EPHA6: variants seen among roughly 807,000 people sequenced by gnomAD.
EPHA6 encodes ephrin type-A receptor 6.
EPHA6 carries 50 observed loss-of-function variants against 112.0 expected under a neutral mutation model. That is an observed-to-expected ratio of 0.45 (90% CI 0.36 to 0.56). EPHA6 has a LOEUF of 0.56. EPHA6 is among the 20% of genes least tolerant of loss of function. EPHA6 has a pLI of 0.00. For synonymous variants in EPHA6, 529 were observed against 490.7 expected, an observed-to-expected ratio of 1.08 and a Z score of -1.03; for missense variants, 1,280 against 1,417.4, an observed-to-expected ratio of 0.90 and a Z score of 1.56.
At chr3:97,682,872 A>C (rs542876203) in intron 14 of EPHA6, among the ~76,000 whole-genome samples, 1 of 152,328 alleles carries the variant, frequency 6.6e-6, no homozygotes, top group Admixed American at 6.5e-5. Context: ...CTCCCGTATT[A>C]GACTACAAGA....
At chr3:97,392,078 A>C (rs1012023930) in intron 5 of EPHA6, among the ~76,000 whole-genome samples, 2 of 151,866 alleles carry the variant, frequency 1.3e-5, no homozygotes, top group South Asian at 4.1e-4. Context: ...TCTTCACGTA[A>C]ATTGAAGAAT....
At chr3:97,663,335 A>G (rs1407432859) in intron 14 of EPHA6, among the ~76,000 whole-genome samples, 2 of 150,576 alleles carry the variant, frequency 1.3e-5, no homozygotes, top group Non-Finnish European at 3.0e-5. Flanking sequence ...CTTTTTTTAT[A>G]TATACTTTTT....
chr3:97,224,005 T>A (rs1434400836), intron 3 of EPHA6, among the ~76,000 whole-genome samples: 1 of 151,868 alleles, frequency 6.6e-6, no homozygotes, highest in Non-Finnish European at 1.5e-5. Context: ...TCTGCTAAAG[T>A]ACATACAGGA....
rs2036150455 is a variant in EPHA6 at position 97,760,982 on chromosome 3, T to C, written c.*12281T>C. On this transcript the variant is annotated 3_prime_UTR_variant, in exon 18 of 18. Coordinates refer to ENST00000389672, the MANE Select transcript of EPHA6 (RefSeq NM_001080448.3). ...CACTGTTTTATGTTTTTCTCTTTAG[T>C]ATTCTGTCACCATTTAAAGCTTCAA... is the stretch of plus-strand genomic sequence containing the variant. 4.9e-6 allele frequency: 1 copy of C among 204,868 alleles called. No individual in the cohort carries two copies. Among genetic ancestry groups the C allele is most frequent in the African/African-American group, 2.3e-5 (1 of 43,934 alleles). 12.7% of individuals were successfully genotyped at this position (204,868 alleles called of 1,614,324 possible).
chr3:97,007,665 T>G (rs763309090), intron 3 of EPHA6, among the ~76,000 whole-genome samples: 2 of 152,184 alleles, frequency 1.3e-5, no homozygotes, highest in Non-Finnish European at 2.9e-5. Flanking sequence ...TTGGTTATTT[T>G]GCATACTAGT....
intron 5 of EPHA6, among the ~76,000 whole-genome samples, chr3:97,360,321 C>T (rs1316288856): frequency 6.6e-6 from 1 of 152,204 alleles, no homozygotes; most frequent in Non-Finnish European, 1.5e-5. Flanking sequence ...TTACATCAGA[C>T]AGACTCTGCC....
At chr3:97,177,118 A>C (rs1471014479) in intron 3 of EPHA6, among the ~76,000 whole-genome samples, 2 of 151,826 alleles carry the variant, frequency 1.3e-5, no homozygotes, top group African/African-American at 4.8e-5. Context: ...TTTTCTTATT[A>C]ATTTCTTCAT....
At chr3:97,136,705 A>C (rs947238646) in intron 3 of EPHA6, among the ~76,000 whole-genome samples, 3 of 152,312 alleles carry the variant, frequency 2.0e-5, no homozygotes, top group African/African-American at 7.2e-5. Flanking sequence ...AAAACTTCAT[A>C]AAGTTTGAAT....
intron 3 of EPHA6, among the ~76,000 whole-genome samples, chr3:97,038,389 A>G (rs2045189372): frequency 6.6e-6 from 1 of 152,018 alleles, no homozygotes; most frequent in Non-Finnish European, 1.5e-5. Context: ...ACTTCAAATT[A>G]TTAGTGAAAA....
intron 14 of EPHA6, among the ~76,000 whole-genome samples, chr3:97,641,635 G>C (rs992646972): frequency 5.3e-5 from 8 of 152,218 alleles, no homozygotes; most frequent in African/African-American, 1.9e-4. Context: ...CTTGGGAAGC[G>C]CAAGGGGTCG....
At chr3:97,531,529 C>T (rs533963827) in intron 10 of EPHA6, among the ~76,000 whole-genome samples, 46 of 152,096 alleles carry the variant, frequency 3.0e-4, no homozygotes, top group African/African-American at 1.1e-3. Flanking sequence ...GTTTCATCCC[C>T]TCCAGGAAGT....
At chr3:97,109,267 A>G (rs2047652086) in intron 3 of EPHA6, among the ~76,000 whole-genome samples, 1 of 152,100 alleles carries the variant, frequency 6.6e-6, no homozygotes, top group Non-Finnish European at 1.5e-5. Flanking sequence ...ATGTAAATGG[A>G]CCTCTCACAG....
At chr3:96,963,537 A>G (rs2042018947) in intron 2 of EPHA6, among the ~76,000 whole-genome samples, 1 of 152,200 alleles carries the variant, frequency 6.6e-6, no homozygotes, top group African/African-American at 2.4e-5. Flanking sequence ...TTATTGTTAC[A>G]TAATTCAATG....
chr3:97,738,037 C>G (rs7646606), intron 16 of EPHA6, among the ~76,000 whole-genome samples: 149,405 of 152,196 alleles, frequency 0.98, 73,353 homozygotes, highest in East Asian at 0.99. Context: ...ATTCAGCAAG[C>G]AGACATTCAG....
chr3:97,144,612 C>A (rs1163761409), intron 3 of EPHA6, among the ~76,000 whole-genome samples: 1 of 151,308 alleles, frequency 6.6e-6, no homozygotes, highest in East Asian at 1.9e-4. Flanking sequence ...TTGTTCACTG[C>A]TGGGAAATAA....
intron 3 of EPHA6, among the ~76,000 whole-genome samples, chr3:97,202,411 C>G (rs2077598940): frequency 6.6e-6 from 1 of 151,372 alleles, no homozygotes; most frequent in Non-Finnish European, 1.5e-5. Flanking sequence ...AGTACAGGCA[C>G]CATCTTGGCT....
At chr3:97,261,948 A>G (rs932178171) in intron 5 of EPHA6, among the ~76,000 whole-genome samples, 1 of 152,202 alleles carries the variant, frequency 6.6e-6, no homozygotes, top group African/African-American at 2.4e-5. Context: ...GTGAGCTCTT[A>G]ACCATTAGGA....
intron 5 of EPHA6, among the ~76,000 whole-genome samples, chr3:97,249,735 A>G (rs1271919896): frequency 6.6e-6 from 1 of 152,176 alleles, no homozygotes. Flanking sequence ...AATATCCTCC[A>G]TTTACATTGC....
At chr3:96,863,038 A>G (rs1414633990) in intron 1 of EPHA6, among the ~76,000 whole-genome samples, 5 of 152,050 alleles carry the variant, frequency 3.3e-5, no homozygotes, top group Non-Finnish European at 5.9e-5. Context: ...TGCTTACAAA[A>G]CAAAATGTGT....
Sources: gnomAD v4.1 joint callset for allele counts (sites outside exome capture counted in the v4.1 genomes callset) on GRCh38, gnomAD v4.1.1 for gene constraint, MANE v1.5 for transcripts, NCBI Gene and HGNC (gene_info 2026-07-23, HGNC 2026-07-21) for gene names.